Variants in TRERF1 observed in about 807,000 individuals in gnomAD.
TRERF1 encodes transcriptional regulating factor 1, also known as transcriptional-regulating factor 1.
In TRERF1, 27 loss-of-function variants were observed where a neutral mutation model predicts 122.9. The ratio of observed to expected loss-of-function variants is 0.22; its 90% CI spans 0.16 to 0.30. The LOEUF is 0.30. Among genes scored for constraint, TRERF1 ranks in the 10% least tolerant of loss-of-function variants. TRERF1 has a pLI of 1.00. For missense variants in TRERF1, 1,248 were observed against 1,560.3 expected, an observed-to-expected ratio of 0.80 and a Z score of 3.37; for synonymous variants, 636 against 641.7, an observed-to-expected ratio of 0.99 and a Z score of 0.13.
chr6:42,416,389 C>T (rs909707260), intron 2 of TRERF1, among the ~76,000 whole-genome samples: 5 of 152,134 alleles, frequency 3.3e-5, no homozygotes, highest in Non-Finnish European at 7.4e-5. Context: ...GAGGAGGTAT[C>T]CAATTATTTC....
chr6:42,293,735 C>G (rs1784654435), intron 4 of TRERF1, among the ~76,000 whole-genome samples: 1 of 148,618 alleles, frequency 6.7e-6, no homozygotes, highest in Non-Finnish European at 1.5e-5. Flanking sequence ...TTCCCCTGTC[C>G]TCCACCCACC....
intron 2 of TRERF1, among the ~76,000 whole-genome samples, chr6:42,441,900 A>G (rs1449453739): frequency 6.6e-6 from 1 of 152,112 alleles, no homozygotes; most frequent in East Asian, 1.9e-4. Context: ...CTTCCAGCCC[A>G]CCCACTGCCC....
chr6:42,320,369 A>G (rs1583018775), intron 3 of TRERF1, among the ~76,000 whole-genome samples: 1 of 152,180 alleles, frequency 6.6e-6, no homozygotes, highest in African/African-American at 2.4e-5. Flanking sequence ...TTACATTGAC[A>G]TAGGACAACA....
In TRERF1 at chr6:42,257,100, C is replaced by T. The variant is rs376023255; in HGVS notation, c.2339G>A (p.Arg780His). Residue 780 changes from arginine (R) to histidine (H), a missense_variant and splice_region_variant, in exon 11 of 18, where the codon CGC (arginine) becomes CAC (histidine). Coordinates refer to ENST00000372922, the Ensembl canonical transcript of TRERF1. ...TTGGAATCTCAAGCCAATGTTGATG[C>T]GTCTTTAAATGACAAGAAGAAAAAC... 19 of 1,613,808 alleles carry T rather than the reference C, an allele frequency of 1.2e-5. No individual in the cohort carries two copies. Among genetic ancestry groups the T allele is most frequent in the East Asian group, 6.7e-5 (3 of 44,900 alleles).
intron 3 of TRERF1, among the ~76,000 whole-genome samples, chr6:42,319,254 G>A (rs1321162384): frequency 6.6e-6 from 1 of 152,220 alleles, no homozygotes. Context: ...GCATCAAAAT[G>A]TAAGATTTTT....
intron 2 of TRERF1, among the ~76,000 whole-genome samples, chr6:42,392,117 C>T (rs1777846431): frequency 6.6e-6 from 1 of 152,140 alleles, no homozygotes; most frequent in South Asian, 2.1e-4. Context: ...TATTATCTGT[C>T]TTGCTCATTG....
chr6:42,329,061 C>T (rs1332360470), intron 3 of TRERF1, among the ~76,000 whole-genome samples: 5 of 152,120 alleles, frequency 3.3e-5, no homozygotes. Context: ...CTATTCTGTG[C>T]TGTTATCACA....
At position 42,263,438 on chromosome 6, in the gene TRERF1, G is replaced by A; in HGVS notation, c.1766C>T (p.Pro589Leu). ...GGGCTTGGGCGGGAGAAGCTTGACA[G>A]GGACAGACACGGGCATGACCATAGG... The change falls in exon 8 of 18, where the codon CCT becomes CTT. Residue 589 changes from proline to leucine, a missense_variant. This residue lies in a region of TRERF1 where 946 missense variants were observed against 1,073.0 expected (regional missense o/e 0.88). Coordinates refer to ENST00000372922, the Ensembl canonical transcript of TRERF1. The surrounding 1 kb of genome is among the most constrained non-coding windows in gnomAD (Gnocchi z 5.6). 6.2e-7 allele frequency: 1 copy of A among 1,611,056 alleles called. No individual in the cohort carries two copies. Among genetic ancestry groups the A allele is most frequent in the South Asian group, 1.1e-5 (1 of 90,230 alleles).
At chr6:42,310,920 G>A (rs907825352) in intron 3 of TRERF1, among the ~76,000 whole-genome samples, 3 of 152,200 alleles carry the variant, frequency 2.0e-5, no homozygotes, top group African/African-American at 7.2e-5. Context: ...GGCAAGGCAA[G>A]GAAGAAATTC....
intron 3 of TRERF1, among the ~76,000 whole-genome samples, chr6:42,322,704 A>G (rs928066664): frequency 9.2e-5 from 14 of 152,248 alleles, no homozygotes; most frequent in African/African-American, 3.1e-4. Flanking sequence ...GAGACTAAGT[A>G]TGAAGGGCAA....
intron 3 of TRERF1, among the ~76,000 whole-genome samples, chr6:42,325,569 C>T (rs1199800029): frequency 6.6e-6 from 1 of 152,164 alleles, no homozygotes; most frequent in Admixed American, 6.5e-5. Context: ...GAATGCTATG[C>T]AGCCATAAAA....
chr6:42,379,423 C>A (rs150805063), intron 2 of TRERF1, among the ~76,000 whole-genome samples: 15 of 152,112 alleles, frequency 9.9e-5, no homozygotes, highest in African/African-American at 3.4e-4. Context: ...GCCTGGAGGC[C>A]TTTCATTTCC....
chr6:42,236,802 G>T (rs570380867), intron 15 of TRERF1, among the ~76,000 whole-genome samples: 1 of 152,200 alleles, frequency 6.6e-6, no homozygotes, highest in African/African-American at 2.4e-5. Flanking sequence ...GAGGTGAAGA[G>T]GGGTTTCCAG....
Position 42,259,257 on chromosome 6 carries a change from A to G in TRERF1, c.2269+82T>C. On this transcript the variant is annotated intron_variant, in intron 9 of 17. Transcript: ENST00000372922. This position sits in a 1 kb window ranked among gnomAD's most constrained non-coding sequence, Gnocchi z 4.9. ...TACTCCGCAAAAGTCTGTGGGATAAATGAGAAAGCTAAAGAAAACGAGATG... is the reference window on the plus strand; with the variant it reads ...TACTCCGCAAAAGTCTGTGGGATAAGTGAGAAAGCTAAAGAAAACGAGATG... 1.4e-6 allele frequency: 2 copies of G among 1,438,882 alleles called. No homozygotes were observed. The highest frequency in any genetic ancestry group is 1.5e-5 in the South Asian group (1 of 67,020). The allele number at this position is 1,438,882 out of a possible 1,614,324, so 89.1% of individuals were successfully genotyped here. A position where few individuals can be genotyped will look rare whatever the true frequency, so the allele number is the denominator to read the frequency against.
intron 2 of TRERF1, among the ~76,000 whole-genome samples, chr6:42,442,985 T>G (rs1313597016): frequency 6.6e-6 from 1 of 152,254 alleles, no homozygotes; most frequent in Non-Finnish European, 1.5e-5. Context: ...CTACCTTCTC[T>G]GGTTGTTGCA....
At chr6:42,229,487 T>G (rs1770092523) in intron 17 of TRERF1, among the ~76,000 whole-genome samples, 1 of 152,182 alleles carries the variant, frequency 6.6e-6, no homozygotes, top group South Asian at 2.1e-4. Context: ...GGTGGATCTC[T>G]TTTTTCTCTG....
chr6:42,263,317 C>T lies in TRERF1; in HGVS notation c.1884+3G>A. ...AGTGTGGGGGAGAGAGGGTCATCCT[C>T]ACGAGCACAGGCATCTCGTCGTCCG... On this transcript the variant is annotated splice_donor_region_variant and intron_variant, in intron 8 of 17. Transcript: ENST00000372922. The surrounding 1 kb of genome is among the most constrained non-coding windows in gnomAD (Gnocchi z 5.6). The T allele has an allele frequency of 6.2e-7, 1 of 1,609,836 alleles. No individual in the cohort carries two copies. Among genetic ancestry groups the T allele is most frequent in the Non-Finnish European group, 8.5e-7 (1 of 1,177,932 alleles).
chr6:42,244,055 A>C (rs1439896547), intron 14 of TRERF1, among the ~76,000 whole-genome samples: 1 of 146,702 alleles, frequency 6.8e-6, no homozygotes, highest in African/African-American at 2.5e-5. Flanking sequence ...ATTTTTTTCT[A>C]TTTTTAGTAG....
intron 3 of TRERF1, among the ~76,000 whole-genome samples, chr6:42,334,558 T>G (rs1239060417): frequency 6.6e-6 from 1 of 152,224 alleles, no homozygotes; most frequent in East Asian, 1.9e-4. Context: ...AAATCCTCTA[T>G]CTAGGCCTGT....
Sources: gnomAD v4.1 joint callset for allele counts (sites outside exome capture counted in the v4.1 genomes callset) on GRCh38, gnomAD v4.1.1 for gene constraint, gnomAD v4.1.1 regional missense constraint, Gnocchi (gnomAD v3.1) non-coding constraint, MANE v1.5 for transcripts, NCBI Gene and HGNC (gene_info 2026-07-23, HGNC 2026-07-21) for gene names.